Variants in ADAMTSL1 observed in about 807,000 individuals in gnomAD.
ADAMTSL1 encodes ADAMTS like 1, also known as ADAMTS-like protein 1.
Under a neutral mutation model 201.8 loss-of-function variants are expected in ADAMTSL1, and 126 were observed. The observed-to-expected ratio is 0.62, with a 90% CI of 0.54 to 0.72. The LOEUF is 0.72. Ranked by LOEUF, ADAMTSL1 falls within the 30% of genes least tolerant of loss-of-function variation. ADAMTSL1 has a pLI of 0.00. For missense variants in ADAMTSL1, 2,679 were observed against 2,277.8 expected, an observed-to-expected ratio of 1.18 and a Z score of -3.59; for synonymous variants, 1,121 against 903.4, an observed-to-expected ratio of 1.24 and a Z score of -4.32.
At chr9:18,171,942 T>G (rs1827912907) in intron 2 of ADAMTSL1, among the ~76,000 whole-genome samples, 1 of 152,100 alleles carries the variant, frequency 6.6e-6, no homozygotes, top group South Asian at 2.1e-4. Flanking sequence ...AGGGAATCCT[T>G]TCCCCATTTC....
chr9:18,231,951 C>G (rs917088985), intron 2 of ADAMTSL1, among the ~76,000 whole-genome samples: 2 of 152,208 alleles, frequency 1.3e-5, no homozygotes, highest in African/African-American at 4.8e-5. Flanking sequence ...GAGGCAATAG[C>G]CTTCCATGCT....
At chr9:18,364,648 ACT>A in intron 2 of ADAMTSL1, among the ~76,000 whole-genome samples, 1 of 74,368 alleles carries the variant, frequency 1.3e-5, no homozygotes, top group South Asian at 5.8e-4. Context: ...TCATTCTTGT[ACT>A]GCTATAAAGA....
At chr9:18,639,745 A>G (rs702208) in intron 7 of ADAMTSL1, among the ~76,000 whole-genome samples, 14,996 of 152,144 alleles carry the variant, frequency 0.099, 1,451 homozygotes, top group African/African-American at 0.25. Flanking sequence ...TGACTTATAT[A>G]GGCTATCCTC....
intron 2 of ADAMTSL1, among the ~76,000 whole-genome samples, chr9:18,458,586 T>C (rs905372025): frequency 2.6e-5 from 4 of 152,222 alleles, no homozygotes; most frequent in African/African-American, 9.6e-5. Flanking sequence ...TGTCCCATGA[T>C]AGGTTCTCAT....
chr9:18,307,149 G>C (rs1381267322), intron 2 of ADAMTSL1, among the ~76,000 whole-genome samples: 1 of 152,112 alleles, frequency 6.6e-6, no homozygotes, highest in Non-Finnish European at 1.5e-5. Context: ...AATGCTGAGA[G>C]ATTTTTTCAC....
intron 1 of ADAMTSL1, among the ~76,000 whole-genome samples, chr9:17,986,511 T>C (rs1048260546): frequency 4.6e-5 from 7 of 152,116 alleles, no homozygotes; most frequent in African/African-American, 1.7e-4. Flanking sequence ...TAATCCTCTG[T>C]CATTTTGTAA....
At chr9:18,425,310 T>C (rs1282152473) in intron 2 of ADAMTSL1, among the ~76,000 whole-genome samples, 1 of 152,144 alleles carries the variant, frequency 6.6e-6, no homozygotes, top group Admixed American at 6.5e-5. Context: ...CATAGTTGAG[T>C]AGAACAACCT....
At chr9:17,952,781 C>T (rs539029969) in intron 1 of ADAMTSL1, among the ~76,000 whole-genome samples, 148 of 152,264 alleles carry the variant, frequency 9.7e-4, no homozygotes, top group African/African-American at 3.2e-3. Flanking sequence ...TCTGACTTGG[C>T]CTCCCAAAGT....
chr9:17,914,106 G>A (rs1334601389), intron 1 of ADAMTSL1, among the ~76,000 whole-genome samples: 1 of 152,178 alleles, frequency 6.6e-6, no homozygotes, highest in Non-Finnish European at 1.5e-5. Context: ...GGAAGAACTG[G>A]TACCATTCCT....
intron 1 of ADAMTSL1, among the ~76,000 whole-genome samples, chr9:17,972,785 G>T (rs1435554049): frequency 6.9e-6 from 1 of 144,310 alleles, no homozygotes; most frequent in Admixed American, 7.1e-5. Context: ...CACCAACAGT[G>T]TAAAAGTGTT....
chr9:18,085,580 C>G (rs991572339), intron 1 of ADAMTSL1, among the ~76,000 whole-genome samples: 2 of 144,314 alleles, frequency 1.4e-5, no homozygotes, highest in Non-Finnish European at 3.0e-5. Flanking sequence ...TATATACACA[C>G]TGTGTGTGTG....
intron 1 of ADAMTSL1, among the ~76,000 whole-genome samples, chr9:18,160,077 G>C (rs777803456): frequency 6.6e-6 from 1 of 152,026 alleles, no homozygotes; most frequent in South Asian, 2.1e-4. Flanking sequence ...TACAACAACA[G>C]ATTTCTTCCA....
At chr9:18,517,725 A>G (rs576886959) in intron 2 of ADAMTSL1, among the ~76,000 whole-genome samples, 1 of 152,330 alleles carries the variant, frequency 6.6e-6, no homozygotes, top group East Asian at 1.9e-4. Flanking sequence ...AATTTCATCC[A>G]TGTCCCTATC....
intron 2 of ADAMTSL1, among the ~76,000 whole-genome samples, chr9:18,215,507 A>G (rs532262305): frequency 6.6e-6 from 1 of 152,346 alleles, no homozygotes; most frequent in East Asian, 1.9e-4. Context: ...CTGCTGACAT[A>G]CACAGTAATA....
intron 2 of ADAMTSL1, among the ~76,000 whole-genome samples, chr9:18,282,825 A>G (rs1832843326): frequency 6.6e-6 from 1 of 152,192 alleles, no homozygotes; most frequent in Admixed American, 6.5e-5. Flanking sequence ...TGAACCCGGG[A>G]GACAGAGTTT....
Position 18,723,230 on chromosome 9 carries a change from G to T in ADAMTSL1, c.2006+1565G>T, listed in dbSNP as rs111825947. 1,865 of 646,950 alleles carry T rather than the reference G, an allele frequency of 2.9e-3. 34 individuals carry two copies. The highest frequency in any genetic ancestry group is 0.029 in the African/African-American group (1,587 of 55,354). The allele number at this position is 646,950 out of a possible 1,614,324, so 40.1% of individuals were successfully genotyped here. On this transcript the variant is annotated intron_variant, in intron 15 of 28. Coordinates refer to ENST00000380548, the MANE Select transcript of ADAMTSL1 (RefSeq NM_001040272.6). Reference sequence around the variant, plus strand: ...TGTCCCATGATTCTTTATTTTGTAGGCAGAAGCATTAAACAGCTACTCCTG... The same window carrying T: ...TGTCCCATGATTCTTTATTTTGTAGTCAGAAGCATTAAACAGCTACTCCTG...
chr9:18,080,482 C>G (rs981083935), intron 1 of ADAMTSL1, among the ~76,000 whole-genome samples: 2 of 152,166 alleles, frequency 1.3e-5, no homozygotes, highest in Admixed American at 6.6e-5. Context: ...GAAAAAGGTA[C>G]TTGTGCTAGA....
chr9:18,115,781 G>C (rs780279745), intron 1 of ADAMTSL1, among the ~76,000 whole-genome samples: 2 of 152,140 alleles, frequency 1.3e-5, no homozygotes, highest in African/African-American at 2.4e-5. Flanking sequence ...GATGATGCTT[G>C]TTCGTGGCCA....
chr9:18,600,257 A>T (rs1824552287), intron 4 of ADAMTSL1, among the ~76,000 whole-genome samples: 1 of 152,168 alleles, frequency 6.6e-6, no homozygotes, highest in African/African-American at 2.4e-5. Context: ...AAGAATAGAA[A>T]AACGATCCTC....
Sources: gnomAD v4.1 joint callset for allele counts (sites outside exome capture counted in the v4.1 genomes callset) on GRCh38, gnomAD v4.1.1 for gene constraint, MANE v1.5 for transcripts, NCBI Gene and HGNC (gene_info 2026-07-23, HGNC 2026-07-21) for gene names.